ABLIM1: variants seen among roughly 807,000 people sequenced by gnomAD.
The protein encoded by ABLIM1 is actin-binding LIM protein 1.
A neutral mutation model predicts 107.0 loss-of-function variants in ABLIM1; 40 were observed. The observed-to-expected ratio is 0.37, with a 90% CI of 0.29 to 0.49. ABLIM1 has a LOEUF of 0.49. Among genes scored for constraint, ABLIM1 ranks in the 20% least tolerant of loss-of-function variants. The pLI is 0.97. For missense variants in ABLIM1, 857 were observed against 1,008.5 expected (o/e 0.85, Z 2.04); for synonymous variants, 357 against 357.3 (o/e 1.00, Z 0.01).
chr10:114,562,442 T>C (rs946190439), intron 4 of ABLIM1, among the ~76,000 whole-genome samples: 18 of 152,104 alleles, frequency 1.2e-4, no homozygotes, highest in South Asian at 2.1e-4. Flanking sequence ...GGCAGGAGAA[T>C]GGTGTGAATC....
chr10:114,713,061 A>T (rs1391285941), intron 1 of ABLIM1, among the ~76,000 whole-genome samples: 1 of 152,172 alleles, frequency 6.6e-6, no homozygotes, highest in Non-Finnish European at 1.5e-5. Context: ...AAAAAAAGGA[A>T]AGAATATACA....
intron 1 of ABLIM1, among the ~76,000 whole-genome samples, chr10:114,725,468 A>G (rs972551098): frequency 6.6e-6 from 1 of 152,176 alleles, no homozygotes. Context: ...CAAAACCCCA[A>G]GGGAGATTAT....
intron 1 of ABLIM1, among the ~76,000 whole-genome samples, chr10:114,742,373 T>C (rs2082305105): frequency 6.6e-6 from 1 of 152,198 alleles, no homozygotes; most frequent in Admixed American, 6.5e-5. Flanking sequence ...AAGTACACTT[T>C]GGATACTCCA....
intron 1 of ABLIM1, among the ~76,000 whole-genome samples, chr10:114,670,554 C>G (rs972292950): frequency 6.6e-6 from 1 of 152,214 alleles, no homozygotes; most frequent in African/African-American, 2.4e-5. Flanking sequence ...AGTGCAGCAA[C>G]TCGATCTTGG....
chr10:114,583,468 C>CATATATATATATATATATAT (rs140129654), intron 2 of ABLIM1, among the ~76,000 whole-genome samples: 19 of 15,030 alleles, frequency 1.3e-3, no homozygotes, highest in South Asian at 3.1e-3. Flanking sequence ...CACACACACA[C>CATATATATATATATATATAT]ATATATATAT....
intron 4 of ABLIM1, among the ~76,000 whole-genome samples, chr10:114,565,580 G>A (rs754448158): frequency 2.0e-4 from 30 of 152,070 alleles, no homozygotes; most frequent in Non-Finnish European, 3.7e-4. Context: ...CTAGGCACTC[G>A]GAAGCCAGGG....
chr10:114,541,608 A>G (rs1301719886), intron 6 of ABLIM1, among the ~76,000 whole-genome samples: 7 of 152,166 alleles, frequency 4.6e-5, no homozygotes, highest in African/African-American at 1.7e-4. Context: ...CCATCTAAGG[A>G]CTACGTCTGC....
At chr10:114,719,572 T>G (rs1208831625) in intron 1 of ABLIM1, among the ~76,000 whole-genome samples, 1 of 152,236 alleles carries the variant, frequency 6.6e-6, no homozygotes, top group East Asian at 1.9e-4. Flanking sequence ...AGGCATACAC[T>G]ATACAGTTCT....
the ABLIM1 span, among the ~76,000 whole-genome samples, chr10:114,794,983 G>A: frequency 6.6e-6 from 1 of 152,092 alleles, no homozygotes; most frequent in African/African-American, 2.4e-5. Context: ...GAAATTGAAA[G>A]CTTGAACACA....
At chr10:114,439,151 G>A (rs1306237644) in intron 21 of ABLIM1, 25 bp downstream of exon 21, 2 of 1,613,372 alleles carry the variant, frequency 1.2e-6, no homozygotes, top group Non-Finnish European at 8.5e-7. Flanking sequence ...TCCCATATGA[G>A]AGGAAAAAGA....
intron 2 of ABLIM1, among the ~76,000 whole-genome samples, chr10:114,589,851 T>G (rs1044456186): frequency 6.6e-6 from 1 of 152,196 alleles, no homozygotes; most frequent in African/African-American, 2.4e-5. Flanking sequence ...TATTTATAAA[T>G]GTAGCATAGT....
intron 1 of ABLIM1, among the ~76,000 whole-genome samples, chr10:114,667,340 G>T (rs2080068969): frequency 6.6e-6 from 1 of 152,172 alleles, no homozygotes; most frequent in African/African-American, 2.4e-5. Context: ...ATATTAACTA[G>T]TAGCACTTCC....
At chr10:114,567,618 A>T (rs966340691) in intron 4 of ABLIM1, among the ~76,000 whole-genome samples, 1 of 152,238 alleles carries the variant, frequency 6.6e-6, no homozygotes, top group African/African-American at 2.4e-5. Flanking sequence ...CAGCTGAAAG[A>T]AAAAGGCTGC....
In ABLIM1 at chr10:114,545,442, C is replaced by T. The variant is rs2067205675; in HGVS notation, c.801-344G>A. 3.3e-5 allele frequency among the ~76,000 whole-genome samples: 5 copies of T among 152,306 alleles called. No individual in the cohort carries two copies. In the South Asian group the frequency reaches 1.0e-3, roughly 32 times the overall value. On this transcript the variant is annotated intron_variant, in intron 5 of 22. Coordinates refer to ENST00000533213, the MANE Select transcript of ABLIM1 (RefSeq NM_002313.7). ...CCCTGGGCACGTAGGAGTACTGAGC[C>T]CACTGAGCCCACATAACAATAATTA... is the stretch of plus-strand genomic sequence containing the variant.
chr10:114,490,405 C>A (rs1196201370), intron 7 of ABLIM1, among the ~76,000 whole-genome samples: 1 of 152,116 alleles, frequency 6.6e-6, no homozygotes, highest in Non-Finnish European at 1.5e-5. Context: ...ACTCAAGAAT[C>A]CTTTCTGTAG....
intron 10 of ABLIM1, among the ~76,000 whole-genome samples, chr10:114,470,267 A>G (rs1387045750): frequency 6.6e-6 from 1 of 152,092 alleles, no homozygotes; most frequent in Admixed American, 6.5e-5. Context: ...TACTGAAAAT[A>G]CAAAAATTAG....
chr10:114,784,741 T>C, the ABLIM1 span, among the ~76,000 whole-genome samples: 3 of 151,360 alleles, frequency 2.0e-5, no homozygotes, highest in Admixed American at 6.6e-5. Flanking sequence ...AAGTCAAAAT[T>C]TGAAATAAAC....
At chr10:114,674,276 C>T (rs139969157) in intron 1 of ABLIM1, among the ~76,000 whole-genome samples, 2,548 of 133,932 alleles carry the variant, frequency 0.019, 28 homozygotes, top group Middle Eastern at 0.073. Context: ...GGCCACAGAG[C>T]GAGACTCTGT....
At chr10:114,455,108 T>C (rs1262441144) in intron 12 of ABLIM1, among the ~76,000 whole-genome samples, 6 of 152,204 alleles carry the variant, frequency 3.9e-5, no homozygotes, top group Admixed American at 2.6e-4. Flanking sequence ...TTGTTACCGT[T>C]TGAATATACA....
Sources: gnomAD v4.1 joint callset for allele counts (sites outside exome capture counted in the v4.1 genomes callset) on GRCh38, gnomAD v4.1.1 for gene constraint, MANE v1.5 for transcripts, NCBI Gene and HGNC (gene_info 2026-07-23, HGNC 2026-07-21) for gene names.